The following FANCC variants were observed in gnomAD, a reference collection of about 807,000 sequenced individuals.
FANCC encodes the protein Fanconi anemia group C protein.
In FANCC, 55 loss-of-function variants were observed where a neutral mutation model predicts 71.3. The ratio of observed to expected loss-of-function variants is 0.77; its 90% CI spans 0.62 to 0.97. FANCC has a LOEUF of 0.97. Ranked by LOEUF, FANCC falls within the 50% of genes least tolerant of loss-of-function variation. The pLI, the probability that FANCC is intolerant of heterozygous loss-of-function variation, is 0.00. For synonymous variants in FANCC, 275 were observed against 244.9 expected, an observed-to-expected ratio of 1.12 and a Z score of -1.15; for missense variants, 678 against 670.9, an observed-to-expected ratio of 1.01 and a Z score of -0.12.
intron 4 of FANCC, among the ~76,000 whole-genome samples, chr9:95,181,956 G>A (rs536396808): frequency 3.3e-5 from 5 of 152,246 alleles, no homozygotes; most frequent in South Asian, 2.1e-4. Context: ...CTGCTCCCTC[G>A]TGTAACAGGC....
chr9:95,246,675 G>A (rs973663664), intron 3 of FANCC, among the ~76,000 whole-genome samples: 1 of 152,144 alleles, frequency 6.6e-6, no homozygotes, highest in African/African-American at 2.4e-5. Flanking sequence ...AAAGGGAGAT[G>A]CTGGAGGCCA....
At chr9:95,313,129 G>A (rs1835509903) in intron 1 of FANCC, among the ~76,000 whole-genome samples, 2 of 152,220 alleles carry the variant, frequency 1.3e-5, no homozygotes, top group Non-Finnish European at 2.9e-5. Flanking sequence ...CATATGCCAA[G>A]GACCTAGCGC....
At chr9:95,310,972 C>T (rs1209272917) in intron 1 of FANCC, among the ~76,000 whole-genome samples, 1 of 152,112 alleles carries the variant, frequency 6.6e-6, no homozygotes, top group Non-Finnish European at 1.5e-5. Context: ...TGGCCAGGAG[C>T]GGTGGCTCAC....
chr9:95,198,070 A>T (rs1266570761), intron 4 of FANCC, among the ~76,000 whole-genome samples: 1 of 152,186 alleles, frequency 6.6e-6, no homozygotes, highest in East Asian at 1.9e-4. Context: ...TCCATGCCAG[A>T]GTCTTGGCTC....
intron 1 of FANCC, among the ~76,000 whole-genome samples, chr9:95,299,078 T>A (rs573744253): frequency 1.3e-5 from 2 of 152,344 alleles, no homozygotes; most frequent in Admixed American, 1.3e-4. Context: ...AGACAAAAAA[T>A]ACAGTTTTAG....
intron 1 of FANCC, among the ~76,000 whole-genome samples, chr9:95,295,693 C>T (rs1207947829): frequency 6.6e-6 from 1 of 151,400 alleles, no homozygotes; most frequent in Non-Finnish European, 1.5e-5. Context: ...TCTTGAGCCC[C>T]GGAGGTTGAG....
At chr9:95,102,623 G>A (rs1249835267) in intron 14 of FANCC, among the ~76,000 whole-genome samples, 1 of 152,172 alleles carries the variant, frequency 6.6e-6, no homozygotes, top group Non-Finnish European at 1.5e-5. Flanking sequence ...AGCAGCCCAA[G>A]GTCAGCTTCC....
chr9:95,181,881 T>C (rs956540225), intron 4 of FANCC, among the ~76,000 whole-genome samples: 8 of 152,214 alleles, frequency 5.3e-5, no homozygotes, highest in African/African-American at 1.9e-4. Flanking sequence ...GAGTTTTAAA[T>C]AAAGCAGAGG....
chr9:95,175,018 T>C (rs1255636776), intron 4 of FANCC, among the ~76,000 whole-genome samples: 2 of 152,204 alleles, frequency 1.3e-5, no homozygotes, highest in Non-Finnish European at 2.9e-5. Context: ...AAGCCTTCTA[T>C]GCCCTCTGCC....
chr9:95,212,259 A>C (rs1436185532), intron 4 of FANCC, among the ~76,000 whole-genome samples: 3 of 152,172 alleles, frequency 2.0e-5, no homozygotes, highest in African/African-American at 7.2e-5. Context: ...AAATAGAGGA[A>C]TCTCGAAAGA....
At chr9:95,257,442 A>G (rs994143850) in intron 1 of FANCC, among the ~76,000 whole-genome samples, 1 of 152,254 alleles carries the variant, frequency 6.6e-6, no homozygotes, top group Admixed American at 6.5e-5. Flanking sequence ...CTGGGTAAAT[A>G]ATGAAATGAA....
chr9:95,275,743 G>C (rs941169742), intron 1 of FANCC, among the ~76,000 whole-genome samples: 3 of 152,166 alleles, frequency 2.0e-5, no homozygotes, highest in Admixed American at 6.5e-5. Context: ...CCCAAACCTA[G>C]CTAGGTGGTG....
At chr9:95,133,567 A>C (rs1827221532) in intron 8 of FANCC, among the ~76,000 whole-genome samples, 1 of 152,242 alleles carries the variant, frequency 6.6e-6, no homozygotes, top group Non-Finnish European at 1.5e-5. Flanking sequence ...TGCTCACCAC[A>C]GTGCTGCTCA....
intron 4 of FANCC, among the ~76,000 whole-genome samples, chr9:95,183,298 G>T (rs1826492650): frequency 6.6e-6 from 1 of 152,182 alleles, no homozygotes; most frequent in South Asian, 2.1e-4. Flanking sequence ...ACCTTGCAGT[G>T]TAACGGTGAG....
At chr9:95,220,115 A>C (rs958546413) in intron 4 of FANCC, among the ~76,000 whole-genome samples, 1 of 152,244 alleles carries the variant, frequency 6.6e-6, no homozygotes, top group African/African-American at 2.4e-5. Flanking sequence ...ACACAGGAAA[A>C]AATGCTCGTC....
At chr9:95,151,039 C>G (rs1830141123) in intron 6 of FANCC, among the ~76,000 whole-genome samples, 1 of 152,198 alleles carries the variant, frequency 6.6e-6, no homozygotes, top group East Asian at 1.9e-4. Context: ...TGGCTGGCGG[C>G]TACAGTACCG....
In FANCC at chr9:95,101,567, T is replaced by C. The variant is rs558379284; in HGVS notation, c.*140A>G. The C allele has an allele frequency of 1.1e-4, 112 of 1,010,708 alleles. No individual in the cohort carries two copies. In the African/African-American group the frequency reaches 1.5e-3, roughly 13 times the overall value. 62.6% of individuals were successfully genotyped at this position (1,010,708 alleles called of 1,614,324 possible). ...TTGTAAAATAGATACTAGCAGATTGTCCCAAGATGTGTACAGCTCATTCTC... is the reference window on the plus strand; with the variant it reads ...TTGTAAAATAGATACTAGCAGATTGCCCCAAGATGTGTACAGCTCATTCTC... On this transcript the variant is annotated 3_prime_UTR_variant, in exon 15 of 15. Coordinates refer to ENST00000289081, the MANE Select transcript of FANCC (RefSeq NM_000136.3).
At chr9:95,292,367 G>A (rs1037070808) in intron 1 of FANCC, 20 of 1,000,206 alleles carry the variant, frequency 2.0e-5, no homozygotes, top group African/African-American at 5.3e-5. Flanking sequence ...TGGCGGCGGC[G>A]GGGTCCACGG....
chr9:95,300,461 T>C (rs1326154307), intron 1 of FANCC, among the ~76,000 whole-genome samples: 1 of 152,022 alleles, frequency 6.6e-6, no homozygotes, highest in Non-Finnish European at 1.5e-5. Flanking sequence ...AATTTCTTTT[T>C]TTTTTTTTTC....
Sources: gnomAD v4.1 joint callset for allele counts (sites outside exome capture counted in the v4.1 genomes callset) on GRCh38, gnomAD v4.1.1 for gene constraint, MANE v1.5 for transcripts, NCBI Gene and HGNC (gene_info 2026-07-23, HGNC 2026-07-21) for gene names.